The following CNBD1 variants were observed in gnomAD, a reference collection of about 807,000 sequenced individuals.
CNBD1 encodes the protein cyclic nucleotide-binding domain-containing protein 1.
CNBD1 carries 71 observed loss-of-function variants against 54.4 expected under a neutral mutation model. The ratio of observed to expected loss-of-function variants is 1.30; its 90% CI spans 1.08 to 1.59. The LOEUF is 1.59. Among genes scored for constraint, CNBD1 ranks in the 40% most tolerant of loss-of-function variants. The pLI, the probability that CNBD1 is intolerant of heterozygous loss-of-function variation, is 0.00. For missense variants in CNBD1, 659 were observed against 518.0 expected (o/e 1.27, Z -2.64); for synonymous variants, 182 against 170.7 (o/e 1.07, Z -0.51).
At chr8:87,184,247 C>T (rs113374032) in intron 4 of CNBD1, among the ~76,000 whole-genome samples, 51 of 152,250 alleles carry the variant, frequency 3.3e-4, no homozygotes, top group Admixed American at 9.2e-4. Context: ...CCATGGCTGA[C>T]GGCAAACTTT....
chr8:87,112,272 T>G (rs755151756), intron 4 of CNBD1, among the ~76,000 whole-genome samples: 1 of 152,198 alleles, frequency 6.6e-6, no homozygotes, highest in Non-Finnish European at 1.5e-5. Flanking sequence ...GCGTTCAATT[T>G]TGAGTCATGG....
chr8:87,123,093 T>A (rs1285815078), intron 4 of CNBD1, among the ~76,000 whole-genome samples: 3 of 151,830 alleles, frequency 2.0e-5, no homozygotes, highest in Non-Finnish European at 4.4e-5. Context: ...TGCATTGGAA[T>A]TTTGACAGAG....
At chr8:87,169,382 C>T (rs896119530) in intron 4 of CNBD1, among the ~76,000 whole-genome samples, 28 of 152,010 alleles carry the variant, frequency 1.8e-4, no homozygotes, top group African/African-American at 6.8e-4. Context: ...TTCATTGTTT[C>T]CTTTGCTGTG....
At chr8:87,050,273 G>T (rs1810285689) in intron 4 of CNBD1, among the ~76,000 whole-genome samples, 1 of 152,154 alleles carries the variant, frequency 6.6e-6, no homozygotes, top group African/African-American at 2.4e-5. Flanking sequence ...TCTTCTCTTT[G>T]CCCAATGTTC....
intron 8 of CNBD1, among the ~76,000 whole-genome samples, chr8:87,296,637 ATGTG>A (rs915669367): frequency 6.6e-6 from 1 of 151,416 alleles, no homozygotes; most frequent in Non-Finnish European, 1.5e-5. Context: ...ATACATATAT[ATGTG>A]TGTGTGTGTC....
In CNBD1 at chr8:87,178,667, T is replaced by A. The variant is rs190645283; in HGVS notation, c.432-27326T>A. Reference sequence around the variant, plus strand: ...CAAAGGTGTAAACAGAGGGAATATTTAAGAGAGTACTACATTAATCCAGGT... The same window carrying A: ...CAAAGGTGTAAACAGAGGGAATATTAAAGAGAGTACTACATTAATCCAGGT... On this transcript the variant is annotated intron_variant, in intron 4 of 10. Transcript: ENST00000518476. 3.3e-4 allele frequency among the ~76,000 whole-genome samples: 51 copies of A among 152,280 alleles called. No homozygotes were observed. The East Asian group carries it at 9.5e-3, about 28-fold the overall frequency.
rs764708718 is a variant in CNBD1, at chr8:86,875,431, G to A, written c.88+8848G>A. On this transcript the variant is annotated intron_variant, in intron 1 of 10. Transcript: ENST00000518476. ...ACATTGGTTTTAGGACTCACTGTTC[G>A]AGGAAAAAGGCAAGCTATTGAATTA... Among the ~76,000 whole-genome samples the A allele has an allele frequency of 3.3e-5, 5 of 152,236 alleles. No individual in the cohort carries two copies. In the South Asian group the frequency reaches 1.0e-3, roughly 32 times the overall value.
At chr8:87,371,827 A>T (rs141299610) in intron 10 of CNBD1, among the ~76,000 whole-genome samples, 1 of 151,566 alleles carries the variant, frequency 6.6e-6, no homozygotes, top group Admixed American at 6.6e-5. Flanking sequence ...AGGTATTGAC[A>T]GGACATATCT....
rs191903039 is a variant in CNBD1 at position 87,348,853 on chromosome 8, C to A, written c.1043-2832C>A. ...TATTAGACTTGGGACTATTTCTGGG[C>A]GTATGATAAACAACAGAAAGAAAAG... On this transcript the variant is annotated intron_variant, in intron 8 of 10. Coordinates refer to ENST00000518476, the MANE Select transcript of CNBD1 (RefSeq NM_173538.3). 8.5e-5 allele frequency among the ~76,000 whole-genome samples: 13 copies of A among 152,128 alleles called. No individual in the cohort carries two copies. The East Asian group carries it at 2.1e-3, about 25-fold the overall frequency.
intron 3 of CNBD1, among the ~76,000 whole-genome samples, chr8:86,915,882 C>T (rs546416466): frequency 1.3e-5 from 2 of 152,256 alleles, no homozygotes; most frequent in South Asian, 4.1e-4. Context: ...GGGTAGATGA[C>T]AGTCAATTCT....
rs563323472 is a variant in CNBD1 at position 86,989,293 on chromosome 8, C to G, written c.431+49539C>G. Among the ~76,000 whole-genome samples the G allele has an allele frequency of 2.7e-4, 23 of 85,314 alleles. 1 individual carries two copies. The East Asian group carries it at 7.9e-3, about 29-fold the overall frequency. 56.0% of individuals were successfully genotyped at this position (85,314 alleles called of 152,430 possible). On this transcript the variant is annotated intron_variant, in intron 4 of 10. Transcript: ENST00000518476. ...TGGGAGACAAAGCAAGACAGCATCT[C>G]AAAACAAATAAATACATACATACAT...
chr8:87,381,799 A>G (rs1489729767), intron 10 of CNBD1, among the ~76,000 whole-genome samples: 2 of 151,972 alleles, frequency 1.3e-5, no homozygotes, highest in Non-Finnish European at 2.9e-5. Flanking sequence ...TAAAATCGTC[A>G]AATTTATAGG....
chr8:87,103,545 G>T (rs1811473865), intron 4 of CNBD1, among the ~76,000 whole-genome samples: 1 of 152,216 alleles, frequency 6.6e-6, no homozygotes, highest in South Asian at 2.1e-4. Flanking sequence ...AGTCACGGCA[G>T]AAGGGGAAGC....
Position 87,220,709 on chromosome 8 carries a change from A to G in CNBD1, c.577+14571A>G, listed in dbSNP as rs1429727305. On this transcript the variant is annotated intron_variant, in intron 5 of 10. Transcript: ENST00000518476. Reference sequence around the variant, plus strand: ...CATACAGATATGTTATACTTGATCAATCTTTTTAAAAAGGTTGTACATATT... The same window carrying G: ...CATACAGATATGTTATACTTGATCAGTCTTTTTAAAAAGGTTGTACATATT... 2.0e-5 allele frequency among the ~76,000 whole-genome samples: 3 copies of G among 152,114 alleles called. No individual in the cohort carries two copies. In the East Asian group the frequency reaches 5.8e-4, roughly 29 times the overall value.
At chr8:86,881,514 A>G (rs867498958) in intron 1 of CNBD1, among the ~76,000 whole-genome samples, 2 of 152,232 alleles carry the variant, frequency 1.3e-5, no homozygotes, top group African/African-American at 4.8e-5. Context: ...CAAATAAATC[A>G]GAAATGACAC....
chr8:87,107,440 C>G (rs16897091), intron 4 of CNBD1, among the ~76,000 whole-genome samples: 2,115 of 152,288 alleles, frequency 0.014, 53 homozygotes, highest in African/African-American at 0.047. Flanking sequence ...TAGGTCTCAT[C>G]TTAAATAAGA....
intron 4 of CNBD1, among the ~76,000 whole-genome samples, chr8:86,997,511 G>T (rs187067651): frequency 2.6e-5 from 4 of 152,192 alleles, no homozygotes; most frequent in African/African-American, 9.6e-5. Context: ...AATCGCCAAT[G>T]GTTCCTCATT....
intron 4 of CNBD1, among the ~76,000 whole-genome samples, chr8:87,183,381 GTTTGTTTT>G (rs1414642946): frequency 1.4e-5 from 1 of 73,420 alleles, no homozygotes; most frequent in Non-Finnish European, 2.7e-5. Flanking sequence ...TTTTTGCGCT[GTTTGTTTT>G]TTTTTTTTTT....
chr8:87,292,479 G>T (rs1465215520), intron 8 of CNBD1, among the ~76,000 whole-genome samples: 2 of 152,120 alleles, frequency 1.3e-5, no homozygotes, highest in Non-Finnish European at 2.9e-5. Context: ...ACTACATGGG[G>T]TGTGAGAAAT....
Sources: allele counts gnomAD v4.1 joint callset (sites outside exome capture counted in the v4.1 genomes callset), GRCh38; gene constraint gnomAD v4.1.1; transcripts MANE v1.5; gene names NCBI Gene and HGNC (gene_info 2026-07-23, HGNC 2026-07-21).